Variants in LOXL3 observed in about 807,000 individuals in gnomAD.
The protein encoded by LOXL3 is lysyl oxidase like 3.
Under a neutral mutation model 91.8 loss-of-function variants are expected in LOXL3, and 60 were observed. That is an observed-to-expected ratio of 0.65 (90% CI 0.53 to 0.81). LOXL3 has a LOEUF of 0.81. LOXL3 is among the 30% of genes least tolerant of loss of function. LOXL3 has a pLI of 0.00. For synonymous variants in LOXL3, 355 were observed against 387.6 expected (o/e 0.92, Z 0.99); for missense variants, 874 against 1,000.4 (o/e 0.87, Z 1.70).
rs1358545153 is a variant in LOXL3, at chr2:74,533,952, A to G, written c.2118T>C (p.Phe706=). 1.9e-6 allele frequency: 3 copies of G among 1,614,094 alleles called. No homozygotes were observed. Among genetic ancestry groups the G allele is most frequent in the Admixed American group, 3.3e-5 (2 of 60,012 alleles). The stretch of plus-strand genomic sequence containing the variant: ...AGTTACATTTCATTGCATTGTTGGT[A>G]AAGTCACTCTCTGCTACTTCAAAGT... ...NPNFEVAESD[F]TNNAMKCNCK... The change falls in exon 13 of 14, where the codon TTT becomes TTC. Residue 706 remains phenylalanine, a synonymous_variant. Coordinates refer to ENST00000264094, the MANE Select transcript of LOXL3 (RefSeq NM_032603.5).
chr2:74,545,701 C>T (rs1176358912), intron 4 of LOXL3, among the ~76,000 whole-genome samples: 1 of 152,178 alleles, frequency 6.6e-6, no homozygotes, highest in Non-Finnish European at 1.5e-5. Context: ...ACCACACTCC[C>T]CTGGTTTTCT....
chr2:74,535,489 G>C lies in LOXL3; in HGVS notation c.1417-35C>G. The C allele has an allele frequency of 6.2e-7, 1 of 1,612,708 alleles. No individual in the cohort carries two copies. Among genetic ancestry groups the C allele is most frequent in the Non-Finnish European group, 8.5e-7 (1 of 1,179,718 alleles). On this transcript the variant is annotated intron_variant, in intron 8 of 13. Coordinates refer to ENST00000264094, the MANE Select transcript of LOXL3 (RefSeq NM_032603.5). The surrounding 1 kb of genome is among the most constrained non-coding windows in gnomAD (Gnocchi z 4.2). ...TATGCAGATGTTTCTGTAAGGCCCAGGATCCAGCATCTTGGGCCAAGGGAC... is the reference window on the plus strand; with the variant it reads ...TATGCAGATGTTTCTGTAAGGCCCACGATCCAGCATCTTGGGCCAAGGGAC...
rs1180408479 is a variant in LOXL3, at chr2:74,532,491, G to A, written c.*1115C>T. 2 of 743,320 alleles carry A rather than the reference G, an allele frequency of 2.7e-6. No homozygotes were observed. Among genetic ancestry groups the A allele is most frequent in the African/African-American group, 1.7e-5 (1 of 57,806 alleles). 46.0% of individuals were successfully genotyped at this position (743,320 alleles called of 1,614,324 possible). ...AGAAGACAGAAAGTGAGTTGCCATT[G>A]TATTTTGTAGTACCTAGCCCATGTC... On this transcript the variant is annotated 3_prime_UTR_variant, in exon 14 of 14. Transcript: ENST00000264094.
chr2:74,549,258 C>T lies in LOXL3; in HGVS notation c.692+111G>A. ...CGGCCTCCATATTTTCCCGCGCGTC[C>T]CGACCCCCGGGTCCTCCCGTGCCCC... On this transcript the variant is annotated intron_variant, in intron 4 of 13. Coordinates refer to ENST00000264094, the MANE Select transcript of LOXL3 (RefSeq NM_032603.5). This position sits in a 1 kb window ranked among gnomAD's most constrained non-coding sequence, Gnocchi z 5.3. 1 of 1,273,464 alleles carries T rather than the reference C, an allele frequency of 7.9e-7. No individual in the cohort carries two copies. The highest frequency in any genetic ancestry group is 1.0e-6 in the Non-Finnish European group (1 of 961,288). The allele number at this position is 1,273,464 out of a possible 1,614,324, so 78.9% of individuals were successfully genotyped here.
rs907408938 is a variant in LOXL3, at chr2:74,535,686, G to A, written c.1318C>T (p.Leu440Phe). The A allele has an allele frequency of 5.6e-6, 9 of 1,611,432 alleles. No individual in the cohort carries two copies. The highest frequency in any genetic ancestry group is 1.1e-5 in the South Asian group (1 of 90,802). The change falls in exon 8 of 14, where the codon CTT (leucine) becomes TTT (phenylalanine). Residue 440 changes from leucine to phenylalanine, a missense_variant. Coordinates refer to ENST00000264094, the MANE Select transcript of LOXL3 (RefSeq NM_032603.5). The surrounding 1 kb of genome is among the most constrained non-coding windows in gnomAD (Gnocchi z 4.2). ...VEVQIGGPGP[L>F]RWGLICGDDW... Reference sequence around the variant, plus strand: ...TCCCCACAGATGAGGCCCCAGCGAAGGGGCCCAGGTCCCCCTATTTGCACC... The same window carrying A: ...TCCCCACAGATGAGGCCCCAGCGAAAGGGCCCAGGTCCCCCTATTTGCACC...
At chr2:74,539,137 C>T (rs1368910704) in intron 4 of LOXL3, among the ~76,000 whole-genome samples, 5 of 152,092 alleles carry the variant, frequency 3.3e-5, no homozygotes, top group Non-Finnish European at 5.9e-5. Context: ...CCTGACCACT[C>T]GGGGTTTGGG....
chr2:74,552,743 C>T, intron 1 of LOXL3, 97 bp from the exon 2 acceptor site: 6 of 1,066,076 alleles, frequency 5.6e-6, no homozygotes, highest in Non-Finnish European at 6.6e-6. Flanking sequence ...AAAACAGACA[C>T]TGAGTAAGAC....
chr2:74,554,149 C>A, upstream of LOXL3: 1 of 153,376 alleles, frequency 6.5e-6, no homozygotes, highest in South Asian at 1.9e-4. The surrounding 1 kb of genome is among the most constrained non-coding windows in gnomAD (Gnocchi z 4.9). Flanking sequence ...CCTGGCCCTC[C>A]CGGCTCGTTC....
chr2:74,540,068 C>T (rs370971708), intron 4 of LOXL3, among the ~76,000 whole-genome samples: 4 of 152,236 alleles, frequency 2.6e-5, no homozygotes, highest in Non-Finnish European at 2.9e-5. Context: ...AGGCTGGTCT[C>T]GAACTCCTGA....
rs1675681495 is a variant in LOXL3, at chr2:74,532,459, T to C, written c.*1147A>G. The C allele has an allele frequency of 5.8e-6, 4 of 687,338 alleles. No homozygotes were observed. In the East Asian group the frequency reaches 8.3e-5, roughly 14 times the overall value. The allele number at this position is 687,338 out of a possible 1,614,324, so 42.6% of individuals were successfully genotyped here. On this transcript the variant is annotated 3_prime_UTR_variant, in exon 14 of 14. Transcript: ENST00000264094. ...CATCTTTTATGTACATGTTGCACTT[T>C]ATTGCTAGAAGACAGAAAGTGAGTT...
Position 74,536,646 on chromosome 2 carries a change from G to T in LOXL3, c.912+63C>A. 6.4e-7 allele frequency: 1 copy of T among 1,560,100 alleles called. No homozygotes were observed. The highest frequency in any genetic ancestry group is 2.2e-5 in the East Asian group (1 of 44,528). ...AAAGGTCAGGGCTGTGCTTAGTCTG[G>T]GGTTGCCAGGCTAGGGGTTCTCCAC... On this transcript the variant is annotated intron_variant, in intron 5 of 13. Transcript: ENST00000264094. The surrounding 1 kb of genome is among the most constrained non-coding windows in gnomAD (Gnocchi z 4.5).
At chr2:74,555,107 C>T (rs746305702), upstream of LOXL3, 3 of 1,565,390 alleles carry the variant, frequency 1.9e-6, no homozygotes, top group Non-Finnish European at 2.6e-6. The surrounding 1 kb of genome is among the most constrained non-coding windows in gnomAD (Gnocchi z 6.1). Flanking sequence ...GGACCCGGGC[C>T]GCCTGCGCAC....
At chr2:74,550,392 G>C (rs1020778156) in intron 2 of LOXL3, 44 bp from the exon 3 acceptor site, 8 of 1,591,190 alleles carry the variant, frequency 5.0e-6, no homozygotes, top group Non-Finnish European at 6.9e-6. Context: ...TGGGGAGGGA[G>C]GATGGGGGAG....
chr2:74,536,690 T>C lies in LOXL3; in HGVS notation c.912+19A>G, dbSNP rs572582571. On this transcript the variant is annotated intron_variant, in intron 5 of 13. Transcript: ENST00000264094. The surrounding 1 kb of genome is among the most constrained non-coding windows in gnomAD (Gnocchi z 4.5). Reference sequence around the variant, plus strand: ...TCTCCACCTGGGGTGGGAAAGGTCATAATCACTGTCTCACACACCTCCCCC... The same window carrying C: ...TCTCCACCTGGGGTGGGAAAGGTCACAATCACTGTCTCACACACCTCCCCC... 6.2e-6 allele frequency: 10 copies of C among 1,612,112 alleles called. No homozygotes were observed. In the African/African-American group the frequency reaches 1.2e-4, roughly 19 times the overall value.
At position 74,549,770 on chromosome 2, in the gene LOXL3, G is replaced by C. The variant is rs1676878622; in HGVS notation, c.478-187C>G. 7.0e-7 allele frequency: 1 copy of C among 1,428,678 alleles called. No homozygotes were observed. Among genetic ancestry groups the C allele is most frequent in the Non-Finnish European group, 9.1e-7 (1 of 1,093,384 alleles). The allele number at this position is 1,428,678 out of a possible 1,614,324, so 88.5% of individuals were successfully genotyped here. A position where few individuals can be genotyped will look rare whatever the true frequency, so the allele number is the denominator to read the frequency against. On this transcript the variant is annotated intron_variant, in intron 3 of 13. Transcript: ENST00000264094. The surrounding 1 kb of genome is among the most constrained non-coding windows in gnomAD (Gnocchi z 5.3). ...TGGACTCTCTTGCAGCCAGCAGCGC[G>C]TGGGATGTGCTGTGCTCCCAGAGAG...
rs573575519 is a variant in LOXL3, at chr2:74,549,265, C to G, written c.692+104G>C. ...CATATTTTCCCGCGCGTCCCGACCC[C>G]CGGGTCCTCCCGTGCCCCGGACCTG... On this transcript the variant is annotated intron_variant, in intron 4 of 13. Transcript: ENST00000264094. This position sits in a 1 kb window ranked among gnomAD's most constrained non-coding sequence, Gnocchi z 5.3. 1.1e-4 allele frequency: 149 copies of G among 1,317,522 alleles called. 3 individuals are homozygous for G. In the South Asian group the frequency reaches 2.3e-3, roughly 21 times the overall value. 81.6% of individuals were successfully genotyped at this position (1,317,522 alleles called of 1,614,324 possible). A position where few individuals can be genotyped will look rare whatever the true frequency, so the allele number is the denominator to read the frequency against.
In LOXL3 at chr2:74,533,357, G is replaced by A. The variant is rs1352544824; in HGVS notation, c.*249C>T. The A allele has an allele frequency of 5.5e-6, 3 of 542,246 alleles. No homozygotes were observed. The highest frequency in any genetic ancestry group is 9.9e-6 in the Non-Finnish European group (3 of 303,988). 33.6% of individuals were successfully genotyped at this position (542,246 alleles called of 1,614,324 possible). A position where few individuals can be genotyped will look rare whatever the true frequency, so the allele number is the denominator to read the frequency against. On this transcript the variant is annotated 3_prime_UTR_variant, in exon 14 of 14. Transcript: ENST00000264094. ...AGTTAGTCAGGTGCTGCTCTTTGTG[G>A]TGTGGTGGGCTCTGGTCTGTTCTGC...
At chr2:74,538,597 T>A (rs1310534121) in intron 4 of LOXL3, among the ~76,000 whole-genome samples, 1 of 152,158 alleles carries the variant, frequency 6.6e-6, no homozygotes, top group Non-Finnish European at 1.5e-5. Context: ...ACTGGGAGCC[T>A]AATTGTGGAA....
chr2:74,539,401 A>G (rs1045287446), intron 4 of LOXL3, among the ~76,000 whole-genome samples: 3 of 152,084 alleles, frequency 2.0e-5, no homozygotes, highest in African/African-American at 4.8e-5. Flanking sequence ...AGCGATGTCA[A>G]TCCAGGTGGG....
Sources: allele counts gnomAD v4.1 joint callset (sites outside exome capture counted in the v4.1 genomes callset), GRCh38; gene constraint gnomAD v4.1.1; non-coding constraint Gnocchi (gnomAD v3.1); transcripts MANE v1.5; gene names NCBI Gene and HGNC (gene_info 2026-07-23, HGNC 2026-07-21).